YWHAZ: variants seen among roughly 807,000 people sequenced by gnomAD.
YWHAZ encodes tyrosine 3-monooxygenase/tryptophan 5-monooxygenase activation protein zeta.
For synonymous variants in YWHAZ, 87 were observed against 103.6 expected, an observed-to-expected ratio of 0.84 and a Z score of 0.97; for missense variants, 79 against 284.8, an observed-to-expected ratio of 0.28 and a Z score of 5.20.
At chr8:100,951,224 C>T (rs1377748479) in intron 1 of YWHAZ, 4 of 985,098 alleles carry the variant, frequency 4.1e-6, no homozygotes, top group Non-Finnish European at 4.8e-6. Context: ...CGCAGCCTCG[C>T]CCCGGTCTAC....
rs576236171 is a variant in YWHAZ at position 100,922,008 on chromosome 8, G to A, written c.679-1256C>T. ...TACTAAGCAAATATATCTCTGGCCT[G>A]GAAAGGAGACTACTTCCAAGGTCAT... On this transcript the variant is annotated intron_variant, in intron 5 of 5. Transcript: ENST00000395958. The surrounding 1 kb of genome is among the most constrained non-coding windows in gnomAD (Gnocchi z 4.1). Among the ~76,000 whole-genome samples, 14 of 152,254 alleles carry A rather than the reference G, an allele frequency of 9.2e-5. No individual in the cohort carries two copies. Among genetic ancestry groups the A allele is most frequent in the Non-Finnish European group, 1.8e-4 (12 of 68,024 alleles).
chr8:100,952,996 GGGT>G, upstream of YWHAZ: 5 of 1,000,752 alleles, frequency 5.0e-6, no homozygotes, highest in African/African-American at 1.7e-5. Flanking sequence ...AGGGGACAAT[GGGT>G]GGGCGCCGAG....
intron 1 of YWHAZ, chr8:100,950,311 G>C: frequency 1.1e-6 from 1 of 909,494 alleles, no homozygotes; most frequent in Non-Finnish European, 1.3e-6. Flanking sequence ...TTCGGTACAA[G>C]AGGAAGTGGA....
intron 2 of YWHAZ, among the ~76,000 whole-genome samples, chr8:100,927,438 C>T (rs1374641940): frequency 6.6e-6 from 1 of 152,100 alleles, no homozygotes; most frequent in African/African-American, 2.4e-5. Flanking sequence ...ACAGGAGGAT[C>T]ATCTGAGTCC....
At chr8:100,952,890 C>A, upstream of YWHAZ, 1 of 1,000,302 alleles carries the variant, frequency 1.0e-6, no homozygotes, top group Non-Finnish European at 1.2e-6. Flanking sequence ...TTTTATGGCT[C>A]GGAAACGGGA....
chr8:100,920,805 G>GC (rs1426795663), intron 5 of YWHAZ, 53 bp from the exon 6 acceptor site: 2 of 618,826 alleles, frequency 3.2e-6, no homozygotes, highest in African/African-American at 4.0e-5. Context: ...TGGGGGGGGG[G>GC]GGGCGTTTTC....
At chr8:100,936,826 A>G (rs571629367) in intron 2 of YWHAZ, among the ~76,000 whole-genome samples, 3 of 152,278 alleles carry the variant, frequency 2.0e-5, no homozygotes, top group Admixed American at 6.5e-5. Flanking sequence ...ACAAACAAAA[A>G]GGATCACCAG....
chr8:100,929,226 G>C (rs1444751822), intron 2 of YWHAZ, among the ~76,000 whole-genome samples: 1 of 142,120 alleles, frequency 7.0e-6, no homozygotes, highest in Non-Finnish European at 1.5e-5. Context: ...TTTTGAGACA[G>C]TCTTGCTCTG....
intron 2 of YWHAZ, 27 bp from the exon 3 acceptor site, chr8:100,925,066 T>G (rs1563669928): frequency 6.3e-7 from 1 of 1,593,568 alleles, no homozygotes; most frequent in Middle Eastern, 1.7e-4. Context: ...ACAGACATAG[T>G]GAGAATAAAA....
intron 1 of YWHAZ, chr8:100,951,503 G>C: frequency 1.0e-6 from 1 of 985,784 alleles, no homozygotes; most frequent in Non-Finnish European, 1.2e-6. Flanking sequence ...TCATTATCTC[G>C]GGCGGAAGCG....
At position 100,917,719 on chromosome 8, in the gene YWHAZ, A is replaced by C. The variant is rs1276636320; in HGVS notation, c.*2974T>G. On this transcript the variant is annotated 3_prime_UTR_variant, in exon 6 of 6. Coordinates refer to ENST00000395958, the MANE Select transcript of YWHAZ (RefSeq NM_145690.3). ...GGGCGAGAGTTGACACTCCGTCTTA[A>C]AAACAAACGAACAAAAAAATTCCAG... 6.6e-6 allele frequency: 1 copy of C among 152,200 alleles called. No individual in the cohort carries two copies. The highest frequency in any genetic ancestry group is 1.5e-5 in the Non-Finnish European group (1 of 68,044). 9.4% of individuals were successfully genotyped at this position (152,200 alleles called of 1,614,324 possible).
At chr8:100,950,549 C>T (rs1810646869) in intron 1 of YWHAZ, 22 of 985,540 alleles carry the variant, frequency 2.2e-5, no homozygotes, top group Admixed American at 6.1e-5. Flanking sequence ...GACTCTCCTC[C>T]TTTGTCATGG....
rs553991599 is a variant in YWHAZ at position 100,921,246 on chromosome 8, A to G, written c.679-494T>C. ...ACGGGGTTTCACTATGTTGGCCAAG[A>G]TGGTCTTGATCTGATCTCGTGATCC... On this transcript the variant is annotated intron_variant, in intron 5 of 5. Transcript: ENST00000395958. 2.0e-5 allele frequency among the ~76,000 whole-genome samples: 3 copies of G among 152,254 alleles called. No homozygotes were observed. The East Asian group carries it at 5.8e-4, about 29-fold the overall frequency.
upstream of YWHAZ, chr8:100,952,172 C>T: frequency 1.0e-6 from 1 of 984,742 alleles, no homozygotes; most frequent in Non-Finnish European, 1.2e-6. Context: ...CGGGGCCCCG[C>T]GTAACCGCCG....
At chr8:100,951,013 A>G (rs979043181) in intron 1 of YWHAZ, 66 of 358,958 alleles carry the variant, frequency 1.8e-4, no homozygotes, top group Non-Finnish European at 2.3e-4. Flanking sequence ...CCTGTTCTCT[A>G]CCCCGACCTG....
At chr8:100,949,036 A>T in intron 1 of YWHAZ, 136 bp from the exon 2 acceptor site, 1 of 1,074,750 alleles carries the variant, frequency 9.3e-7, no homozygotes. Flanking sequence ...GAGGAATTAA[A>T]ATGCAGCCTC....
intron 2 of YWHAZ, among the ~76,000 whole-genome samples, chr8:100,929,805 A>G (rs1813635819): frequency 6.6e-6 from 1 of 152,216 alleles, no homozygotes; most frequent in South Asian, 2.1e-4. Context: ...CAATGTAGGA[A>G]GAATAGAAAA....
chr8:100,946,444 G>A (rs529755555), intron 2 of YWHAZ, among the ~76,000 whole-genome samples: 7 of 152,276 alleles, frequency 4.6e-5, no homozygotes, highest in Middle Eastern at 3.4e-3. Flanking sequence ...CCAGCTACTC[G>A]GGAGGTCAAG....
At chr8:100,920,789 G>A (rs758553913) in intron 5 of YWHAZ, 37 bp from the exon 6 acceptor site, 2 of 871,216 alleles carry the variant, frequency 2.3e-6, no homozygotes, top group Admixed American at 4.5e-5. Flanking sequence ...GCAAGTTTCA[G>A]TGGGATGGGG....
Sources: gnomAD v4.1 joint callset for allele counts (sites outside exome capture counted in the v4.1 genomes callset) on GRCh38, gnomAD v4.1.1 for gene constraint, Gnocchi (gnomAD v3.1) non-coding constraint, MANE v1.5 for transcripts, NCBI Gene and HGNC (gene_info 2026-07-23, HGNC 2026-07-21) for gene names.